SPIRE1: variants seen among roughly 807,000 people sequenced by gnomAD.
The protein encoded by SPIRE1 is spire type actin nucleation factor 1.
Under a neutral mutation model 94.1 loss-of-function variants are expected in SPIRE1, and 40 were observed. The observed-to-expected ratio is 0.43, with a 90% CI of 0.33 to 0.55. SPIRE1 has a LOEUF of 0.55. Among genes scored for constraint, SPIRE1 ranks in the 20% least tolerant of loss-of-function variants. The pLI, the probability that SPIRE1 is intolerant of heterozygous loss-of-function variation, is 0.06. For missense variants in SPIRE1, 838 were observed against 975.2 expected (o/e 0.86, Z 1.87); for synonymous variants, 376 against 371.7 (o/e 1.01, Z -0.13).
intron 2 of SPIRE1, among the ~76,000 whole-genome samples, chr18:12,587,721 T>C (rs2036425941): frequency 6.6e-6 from 1 of 152,148 alleles, no homozygotes; most frequent in South Asian, 2.1e-4. Context: ...CCCAGTGATT[T>C]AGGCATTAGA....
At chr18:12,525,288 A>AT (rs2034482438) in intron 4 of SPIRE1, among the ~76,000 whole-genome samples, 3 of 146,152 alleles carry the variant, frequency 2.1e-5, no homozygotes, top group African/African-American at 7.5e-5. Flanking sequence ...AAAAAAAAAA[A>AT]AAAAAAAAAA....
upstream of SPIRE1, chr18:12,658,592 T>G: frequency 2.1e-6 from 1 of 470,806 alleles, no homozygotes; most frequent in Non-Finnish European, 4.4e-6. Flanking sequence ...TCGCCGAAGG[T>G]CTGGTTGAAA....
chr18:12,605,567 A>T (rs2036953716), intron 2 of SPIRE1, among the ~76,000 whole-genome samples: 1 of 152,158 alleles, frequency 6.6e-6, no homozygotes, highest in Non-Finnish European at 1.5e-5. Context: ...TTGCTAGCAG[A>T]TTCTAGGAGG....
chr18:12,541,987 T>C (rs1005061350), intron 3 of SPIRE1, among the ~76,000 whole-genome samples: 1 of 152,026 alleles, frequency 6.6e-6, no homozygotes, highest in Non-Finnish European at 1.5e-5. Flanking sequence ...GCTTTTTTTT[T>C]TTCTTTTGAG....
intron 12 of SPIRE1, among the ~76,000 whole-genome samples, chr18:12,460,311 C>G (rs1394085895): frequency 1.3e-5 from 2 of 152,190 alleles, no homozygotes; most frequent in Non-Finnish European, 2.9e-5. Context: ...ACTGCCAACA[C>G]GAGGTGCCTT....
intron 2 of SPIRE1, among the ~76,000 whole-genome samples, chr18:12,603,634 G>A (rs1358655569): frequency 3.3e-5 from 5 of 151,164 alleles, no homozygotes; most frequent in East Asian, 3.9e-4. Flanking sequence ...CAGTGCAGTG[G>A]TGCAATCTCG....
At chr18:12,615,041 T>G (rs972353501) in intron 2 of SPIRE1, among the ~76,000 whole-genome samples, 2 of 147,810 alleles carry the variant, frequency 1.4e-5, no homozygotes, top group African/African-American at 5.0e-5. Context: ...ATACAAAAAA[T>G]TGGCTCGGAG....
At chr18:12,626,886 A>ATATATATATATAT (rs55915333) in intron 2 of SPIRE1, among the ~76,000 whole-genome samples, 9 of 111,892 alleles carry the variant, frequency 8.0e-5, no homozygotes, top group Admixed American at 1.0e-4. Flanking sequence ...ATATATATAT[A>ATATATATATATAT]TTTTTTTTTT....
At chr18:12,547,933 AAACAACAACAAC>A (rs34460586) in intron 2 of SPIRE1, among the ~76,000 whole-genome samples, 1 of 152,130 alleles carries the variant, frequency 6.6e-6, no homozygotes, top group Admixed American at 6.5e-5. Context: ...ACAAACAAAC[AAACAACAACAAC>A]AACAACAAAC....
chr18:12,482,939 CTTTTTTTTTT>C (rs11373716), intron 9 of SPIRE1, among the ~76,000 whole-genome samples: 1 of 128,882 alleles, frequency 7.8e-6, no homozygotes, highest in Non-Finnish European at 1.6e-5. Flanking sequence ...CTTAATTGCA[CTTTTTTTTTT>C]TTTTTTTTTG....
At chr18:12,550,343 T>C (rs1227282739) in intron 2 of SPIRE1, among the ~76,000 whole-genome samples, 1 of 152,218 alleles carries the variant, frequency 6.6e-6, no homozygotes, top group African/African-American at 2.4e-5. Flanking sequence ...GATAGAGTCA[T>C]GAAGGTAAGG....
At chr18:12,643,781 T>C (rs1427789151) in intron 1 of SPIRE1, among the ~76,000 whole-genome samples, 1 of 152,074 alleles carries the variant, frequency 6.6e-6, no homozygotes, top group African/African-American at 2.4e-5. Flanking sequence ...ACATATACTA[T>C]ATATAGTCAA....
At chr18:12,659,751 C>T (rs2038656996), upstream of SPIRE1, among the ~76,000 whole-genome samples, 1 of 152,166 alleles carries the variant, frequency 6.6e-6, no homozygotes, top group Admixed American at 6.5e-5. Context: ...AGAGACAAAA[C>T]AACCCCTTAA....
At chr18:12,546,987 GA>G (rs1345102976) in intron 2 of SPIRE1, 83 bp from the exon 3 acceptor site, 2 of 923,404 alleles carry the variant, frequency 2.2e-6, no homozygotes, top group African/African-American at 3.4e-5. Flanking sequence ...TGTTTAGTAT[GA>G]TTTTTTCCCT....
chr18:12,576,296 CTAATTT>C (rs1456032069), intron 2 of SPIRE1, among the ~76,000 whole-genome samples: 1 of 152,004 alleles, frequency 6.6e-6, no homozygotes, highest in African/African-American at 2.4e-5. Context: ...CTTACACTAC[CTAATTT>C]TAAGACTTAT....
In SPIRE1 at chr18:12,503,809, A is replaced by G. The variant is rs1377386372; in HGVS notation, c.972+2668T>C. On this transcript the variant is annotated intron_variant, in intron 6 of 16. Transcript: ENST00000409402. Reference sequence around the variant, plus strand: ...GCTAGCACAGATTTTTAAATGTTTAAAAGCATGAAATAAATGTAGATGTTA... The same window carrying G: ...GCTAGCACAGATTTTTAAATGTTTAGAAGCATGAAATAAATGTAGATGTTA... Among the ~76,000 whole-genome samples the G allele has an allele frequency of 3.4e-5, 5 of 147,852 alleles. No individual in the cohort carries two copies. In the East Asian group the frequency reaches 9.6e-4, roughly 28 times the overall value.
chr18:12,586,265 T>G (rs1235345261), intron 2 of SPIRE1, among the ~76,000 whole-genome samples: 1 of 152,234 alleles, frequency 6.6e-6, no homozygotes, highest in Non-Finnish European at 1.5e-5. Flanking sequence ...CTTTCATACT[T>G]TTTAAATTAC....
chr18:12,455,640 C>T (rs574955102), intron 12 of SPIRE1, among the ~76,000 whole-genome samples: 1 of 152,180 alleles, frequency 6.6e-6, no homozygotes, highest in Non-Finnish European at 1.5e-5. Flanking sequence ...CATCCGGCCC[C>T]GCACTTGATT....
chr18:12,461,515 T>C (rs1229816299), intron 12 of SPIRE1, among the ~76,000 whole-genome samples: 2 of 129,636 alleles, frequency 1.5e-5, no homozygotes, highest in Non-Finnish European at 3.4e-5. Context: ...TGTACGTACA[T>C]ACATATGTGT....
Sources: allele counts gnomAD v4.1 joint callset (sites outside exome capture counted in the v4.1 genomes callset), GRCh38; gene constraint gnomAD v4.1.1; transcripts MANE v1.5; gene names NCBI Gene and HGNC (gene_info 2026-07-23, HGNC 2026-07-21).